FXR1: variants seen among roughly 807,000 people sequenced by gnomAD.
The protein encoded by FXR1 is RNA-binding protein FXR1.
In FXR1, 15 loss-of-function variants were observed where a neutral mutation model predicts 84.0. The ratio of observed to expected loss-of-function variants is 0.18; its 90% CI spans 0.12 to 0.27. The LOEUF (loss-of-function observed/expected upper bound fraction) is 0.27, where lower values mean the gene tolerates loss of function less well. Among genes scored for constraint, FXR1 ranks in the 10% least tolerant of loss-of-function variants. The pLI is 1.00. For missense variants in FXR1, 480 were observed against 774.4 expected (o/e 0.62, Z 4.51); for synonymous variants, 245 against 250.7 (o/e 0.98, Z 0.21).
intron 14 of FXR1, among the ~76,000 whole-genome samples, chr3:180,969,563 T>G (rs1348432905): frequency 6.6e-6 from 1 of 152,236 alleles, no homozygotes; most frequent in East Asian, 1.9e-4. Flanking sequence ...AACATTTTCC[T>G]TTCATAACCA....
At chr3:180,962,499 C>T (rs1198939848) in intron 11 of FXR1, among the ~76,000 whole-genome samples, 1 of 152,224 alleles carries the variant, frequency 6.6e-6, no homozygotes, top group Non-Finnish European at 1.5e-5. Flanking sequence ...TTAATAGTAC[C>T]TTTCATAGAT....
intron 13 of FXR1, among the ~76,000 whole-genome samples, chr3:180,963,318 GTTT>G (rs1387750593): frequency 6.6e-6 from 1 of 151,984 alleles, no homozygotes; most frequent in Non-Finnish European, 1.5e-5. Context: ...AGCAAAGCAT[GTTT>G]TTAAGTTGGT....
chr3:180,963,040 A>G lies in FXR1; in HGVS notation c.1148A>G (p.Tyr383Cys). 6.2e-7 allele frequency: 1 copy of G among 1,608,180 alleles called. No individual in the cohort carries two copies. Reference sequence around the variant, plus strand: ...TCTTCTGTACAAGGTTCTAGGTCTTATAGCGGAAGAGGCAGAGGTCGTCGG... The same window carrying G: ...TCTTCTGTACAAGGTTCTAGGTCTTGTAGCGGAAGAGGCAGAGGTCGTCGG... Reference protein sequence around the residue: ...EQLRQIGSRSYSGRGRGRRGP... With the variant: ...EQLRQIGSRSCSGRGRGRRGP... Residue 383 changes from tyrosine (Y) to cysteine (C), a missense_variant, in exon 13 of 17, where the codon TAT becomes TGT. Around this residue, in one of 6 missense-constraint regions of FXR1, gnomAD observed 157 missense variants for 227.8 expected, o/e 0.69. Coordinates refer to ENST00000357559, the MANE Select transcript of FXR1 (RefSeq NM_005087.4).
chr3:180,932,623 C>A (rs144257835), intron 1 of FXR1, among the ~76,000 whole-genome samples: 1 of 152,016 alleles, frequency 6.6e-6, no homozygotes, highest in East Asian at 1.9e-4. Context: ...GAAAAATGAC[C>A]GCCAATTGTT....
intron 15 of FXR1, among the ~76,000 whole-genome samples, chr3:180,974,180 CAG>C (rs1440541288): frequency 1.7e-5 from 2 of 115,418 alleles, no homozygotes; most frequent in Non-Finnish European, 3.5e-5. Context: ...TTTTTTGAAA[CAG>C]AGTTTCACTA....
chr3:180,915,432 T>G, intron 1 of FXR1: 2 of 973,974 alleles, frequency 2.1e-6, no homozygotes, highest in Non-Finnish European at 3.1e-6. Context: ...GTACACTATA[T>G]TGTGTAGTGT....
chr3:180,937,230 G>A (rs116541820), intron 3 of FXR1, among the ~76,000 whole-genome samples: 1,547 of 152,290 alleles, frequency 0.01, 8 homozygotes, highest in Non-Finnish European at 0.015. Context: ...GTTTGGACAT[G>A]TTCTAGAATT....
At position 180,976,397 on chromosome 3, in the gene FXR1, T is replaced by G; in HGVS notation, c.*105T>G. 2.9e-6 allele frequency: 2 copies of G among 697,480 alleles called. No homozygotes were observed. The highest frequency in any genetic ancestry group is 4.7e-6 in the Non-Finnish European group (2 of 422,690). 43.2% of individuals were successfully genotyped at this position (697,480 alleles called of 1,614,324 possible). A position where few individuals can be genotyped will look rare whatever the true frequency, so the allele number is the denominator to read the frequency against. ...TGGATCGCCAGTCTTTACATCGCAC[T>G]TTCAGTTCCTCCATTTGGAATTCAA... On this transcript the variant is annotated 3_prime_UTR_variant, in exon 17 of 17. Transcript: ENST00000357559.
At chr3:180,947,640 G>A (rs146652115) in intron 3 of FXR1, among the ~76,000 whole-genome samples, 71 of 152,050 alleles carry the variant, frequency 4.7e-4, no homozygotes, top group Admixed American at 7.2e-4. Context: ...TCATGAATAT[G>A]GAATTAATTT....
intron 3 of FXR1, among the ~76,000 whole-genome samples, chr3:180,945,519 C>A (rs1721605497): frequency 6.6e-6 from 1 of 152,212 alleles, no homozygotes; most frequent in African/African-American, 2.4e-5. Flanking sequence ...ATCCTTCCAC[C>A]CTAGCCTTCC....
intron 10 of FXR1, among the ~76,000 whole-genome samples, chr3:180,959,334 TA>T (rs1200948416): frequency 6.6e-6 from 1 of 151,124 alleles, no homozygotes; most frequent in Non-Finnish European, 1.5e-5. Context: ...ATGAGTTTTT[TA>T]TGAGAATGTT....
chr3:180,946,246 A>ACTG (rs1399581902), intron 3 of FXR1, among the ~76,000 whole-genome samples: 1 of 152,216 alleles, frequency 6.6e-6, no homozygotes, highest in Non-Finnish European at 1.5e-5. Flanking sequence ...AGTTTATTTC[A>ACTG]CTGTTGTATC....
intron 11 of FXR1, among the ~76,000 whole-genome samples, chr3:180,961,985 A>C (rs1366830802): frequency 1.3e-5 from 2 of 152,212 alleles, no homozygotes; most frequent in Non-Finnish European, 2.9e-5. Flanking sequence ...GCATTATGCA[A>C]ATCATCTGCA....
At chr3:180,914,287 C>A (rs890786122) in intron 1 of FXR1, among the ~76,000 whole-genome samples, 1 of 152,094 alleles carries the variant, frequency 6.6e-6, no homozygotes, top group Non-Finnish European at 1.5e-5. Flanking sequence ...AGATACAGTT[C>A]GCTGGGTAAG....
chr3:180,939,263 G>C (rs1720869123), intron 3 of FXR1, among the ~76,000 whole-genome samples: 1 of 152,054 alleles, frequency 6.6e-6, no homozygotes, highest in African/African-American at 2.4e-5. Flanking sequence ...TACCGGTGGG[G>C]GGGTGTGGGT....
rs765002591 is a variant in FXR1 at position 180,947,833 on chromosome 3, G to C, written c.199-32G>C. ...TTACAGCATTGAAATCTTTTGGGAT[G>C]AATGGATATAGGCATTTTTTTTTCT... is the stretch of plus-strand genomic sequence containing the variant. On this transcript the variant is annotated intron_variant, in intron 3 of 16. Coordinates refer to ENST00000357559, the MANE Select transcript of FXR1 (RefSeq NM_005087.4). The C allele has an allele frequency of 2.4e-6, 3 of 1,275,848 alleles. No individual in the cohort carries two copies. The East Asian group carries it at 7.1e-5, about 30-fold the overall frequency. 79.0% of individuals were successfully genotyped at this position (1,275,848 alleles called of 1,614,324 possible).
chr3:180,954,003 G>A lies in FXR1; in HGVS notation c.880+163G>A, dbSNP rs1344168409. The A allele has an allele frequency of 5.5e-6, 3 of 548,646 alleles. No homozygotes were observed. The East Asian group carries it at 9.1e-5, about 17-fold the overall frequency. The allele number at this position is 548,646 out of a possible 1,614,324, so 34.0% of individuals were successfully genotyped here. ...TTTCTTTTTTTGGTGATAACATTTT[G>A]TGTAACTTGTTATTGTCATATGTTA... On this transcript the variant is annotated intron_variant, in intron 9 of 16. Transcript: ENST00000357559.
chr3:180,931,766 G>C (rs1576916925), intron 1 of FXR1, among the ~76,000 whole-genome samples: 1 of 128,718 alleles, frequency 7.8e-6, no homozygotes, highest in African/African-American at 3.1e-5. Flanking sequence ...TTTTGGAGAT[G>C]GGGCCACTCT....
chr3:180,926,478 GTATATATATATATA>G (rs34325096), intron 1 of FXR1, among the ~76,000 whole-genome samples: 7 of 75,404 alleles, frequency 9.3e-5, no homozygotes, highest in Non-Finnish European at 1.2e-4. Flanking sequence ...GGATTGTACT[GTATATATATATATA>G]TATATATATA....
Sources: allele counts gnomAD v4.1 joint callset (sites outside exome capture counted in the v4.1 genomes callset), GRCh38; gene constraint gnomAD v4.1.1; regional missense constraint gnomAD v4.1.1; transcripts MANE v1.5; gene names NCBI Gene and HGNC (gene_info 2026-07-23, HGNC 2026-07-21).